MGAT5B: variants seen among roughly 807,000 people sequenced by gnomAD.
MGAT5B encodes N-acetylglucosaminyl-transferase Vb.
Under a neutral mutation model 95.1 loss-of-function variants are expected in MGAT5B, and 54 were observed. The observed-to-expected ratio is 0.57, with a 90% confidence interval of 0.46 to 0.71. MGAT5B has a LOEUF of 0.71. Among genes scored for constraint, MGAT5B ranks in the 30% least tolerant of loss-of-function variants. MGAT5B has a pLI of 0.00. For synonymous variants in MGAT5B, 464 were observed against 451.0 expected (o/e 1.03, Z -0.36); for missense variants, 935 against 1,088.6 (o/e 0.86, Z 1.99).
intron 12 of MGAT5B, among the ~76,000 whole-genome samples, chr17:76,934,913 C>T (rs900852671): frequency 9.2e-5 from 14 of 151,998 alleles, no homozygotes; most frequent in East Asian, 5.8e-4. Flanking sequence ...ATCAGGTGGC[C>T]GAGAAGCAGA....
intron 2 of MGAT5B, among the ~76,000 whole-genome samples, chr17:76,874,252 G>A (rs958054302): frequency 1.3e-5 from 2 of 152,158 alleles, no homozygotes; most frequent in Admixed American, 6.5e-5. Flanking sequence ...AAGGGAAGGG[G>A]CCTCAGCAGC....
intron 1 of MGAT5B, among the ~76,000 whole-genome samples, chr17:76,871,156 G>A (rs1274896158): frequency 6.6e-6 from 1 of 152,178 alleles, no homozygotes; most frequent in East Asian, 1.9e-4. Flanking sequence ...AGTGGGGGAA[G>A]TCCGTCCTTG....
At chr17:76,877,329 TAAAA>T (rs34612127) in intron 2 of MGAT5B, among the ~76,000 whole-genome samples, 2 of 111,224 alleles carry the variant, frequency 1.8e-5, no homozygotes, top group African/African-American at 3.5e-5. Context: ...TGTCTCGGCT[TAAAA>T]AAAAAAAAAA....
rs1968903565 is a variant in MGAT5B at position 76,915,643 on chromosome 17, G to A, written c.1026-9323G>A. Among the ~76,000 whole-genome samples the A allele has an allele frequency of 6.6e-6, 1 of 152,150 alleles. No homozygotes were observed. The highest frequency in any genetic ancestry group is 6.5e-5 in the Admixed American group (1 of 15,274). On this transcript the variant is annotated intron_variant, in intron 8 of 17. Transcript: ENST00000569840. This position sits in a 1 kb window ranked among gnomAD's most constrained non-coding sequence, Gnocchi z 8.7. Reference sequence around the variant, plus strand: ...GCTTGGAATATTTTGTAACTTATAAGCACACAGATTAGGAAAAGGTGGGGA... The same window carrying A: ...GCTTGGAATATTTTGTAACTTATAAACACACAGATTAGGAAAAGGTGGGGA...
At position 76,948,018 on chromosome 17, in the gene MGAT5B, C is replaced by T. The variant is rs748748577; in HGVS notation, c.2112C>T (p.Cys704=). Residue 704 remains cysteine (C), a synonymous_variant, in exon 17 of 18, where the codon TGC becomes TGT. Transcript: ENST00000569840. ...AVPGRACTDT[C]LDHGLICEPS... ...CTGGGAGGGCCTGCACCGACACCTG[C>T]CTGGACCACGGGCTAATCTGTGAGC... The T allele has an allele frequency of 5.1e-5, 82 of 1,613,224 alleles. 3 individuals carry two copies. In the South Asian group the frequency reaches 8.8e-4, roughly 17 times the overall value.
chr17:76,872,716 C>G (rs754426766), intron 1 of MGAT5B, 135 bp from the exon 2 acceptor site: 2 of 1,557,508 alleles, frequency 1.3e-6, no homozygotes, highest in Non-Finnish European at 1.7e-6. Context: ...GAGCTCAGCC[C>G]CCATCCTTTC....
chr17:76,874,978 G>A (rs1033386771), intron 2 of MGAT5B, among the ~76,000 whole-genome samples: 3 of 152,116 alleles, frequency 2.0e-5, no homozygotes, highest in African/African-American at 7.2e-5. Context: ...CGTGTACGTG[G>A]TCTTAAACTT....
At chr17:76,899,088 G>A (rs1968206230) in intron 3 of MGAT5B, among the ~76,000 whole-genome samples, 1 of 152,248 alleles carries the variant, frequency 6.6e-6, no homozygotes, top group Non-Finnish European at 1.5e-5. Context: ...CCTCGCTCCA[G>A]GGAGAGGTGC....
intron 2 of MGAT5B, among the ~76,000 whole-genome samples, chr17:76,877,124 G>A (rs1458577605): frequency 2.6e-5 from 4 of 151,990 alleles, no homozygotes; most frequent in African/African-American, 4.8e-5. Context: ...TCAGGAGTTC[G>A]AGACCAGCCT....
intron 12 of MGAT5B, among the ~76,000 whole-genome samples, chr17:76,937,077 C>G (rs910673909): frequency 1.3e-5 from 2 of 151,082 alleles, no homozygotes; most frequent in African/African-American, 4.9e-5. Flanking sequence ...AAGGATGACT[C>G]TATTTTACTC....
At position 76,903,518 on chromosome 17, in the gene MGAT5B, A is replaced by G. The variant is rs1219896358; in HGVS notation, c.519+142A>G. The G allele has an allele frequency of 7.6e-6, 4 of 529,134 alleles. No homozygotes were observed. The East Asian group carries it at 1.0e-4, about 13-fold the overall frequency. 32.8% of individuals were successfully genotyped at this position (529,134 alleles called of 1,614,324 possible). ...CTCAGTGCATCCACCCCACCCATCA[A>G]TCCAAATCCCCCAGAAAGAGTCTCC... On this transcript the variant is annotated intron_variant, in intron 5 of 17. Transcript: ENST00000569840.
At chr17:76,927,918 G>A (rs1567818492) in intron 10 of MGAT5B, among the ~76,000 whole-genome samples, 2 of 152,240 alleles carry the variant, frequency 1.3e-5, no homozygotes, top group South Asian at 2.1e-4. Flanking sequence ...GAGTCCTGAC[G>A]GACTTGCTTG....
rs568139970 is a variant in MGAT5B at position 76,913,335 on chromosome 17, C to G, written c.1025+7148C>G. Among the ~76,000 whole-genome samples the G allele has an allele frequency of 1.1e-3, 168 of 152,338 alleles. 2 individuals are homozygous for G. Among genetic ancestry groups the G allele is most frequent in the African/African-American group, 3.8e-3 (158 of 41,582 alleles). ...CTGGATATGACTGGCACAGACTGAT[C>G]TGAACCAATGCAAACTGGGCCCAGC... On this transcript the variant is annotated intron_variant, in intron 8 of 17. Coordinates refer to ENST00000569840, the MANE Select transcript of MGAT5B (RefSeq NM_001199172.2).
rs1213294020 is a variant in MGAT5B at position 76,912,895 on chromosome 17, C to T, written c.1025+6708C>T. 1.3e-5 allele frequency among the ~76,000 whole-genome samples: 2 copies of T among 152,134 alleles called. No individual in the cohort carries two copies. The highest frequency in any genetic ancestry group is 1.9e-4 in the East Asian group (1 of 5,182). Reference sequence around the variant, plus strand: ...CGTGCATGTGCAGGTCCAGGGTGGGCGTTTTAAAGTTAAGCCTTTCCCTTC... The same window carrying T: ...CGTGCATGTGCAGGTCCAGGGTGGGTGTTTTAAAGTTAAGCCTTTCCCTTC... On this transcript the variant is annotated intron_variant, in intron 8 of 17. Coordinates refer to ENST00000569840, the MANE Select transcript of MGAT5B (RefSeq NM_001199172.2). The surrounding 1 kb of genome is among the most constrained non-coding windows in gnomAD (Gnocchi z 5.0).
At position 76,949,193 on chromosome 17, in the gene MGAT5B, A is replaced by G; in HGVS notation, c.*355A>G. ...CTGGGCCAGGTGGCGAAAGGGGCCC[A>G]GTCGTTCTTGGGCCCAGGATGGGGC... is the stretch of plus-strand genomic sequence containing the variant. On this transcript the variant is annotated 3_prime_UTR_variant, in exon 18 of 18. Transcript: ENST00000569840. 1 of 270,964 alleles carries G rather than the reference A, an allele frequency of 3.7e-6. No individual in the cohort carries two copies. The highest frequency in any genetic ancestry group is 7.1e-6 in the Non-Finnish European group (1 of 141,752). 16.8% of individuals were successfully genotyped at this position (270,964 alleles called of 1,614,324 possible). A position where few individuals can be genotyped will look rare whatever the true frequency, so the allele number is the denominator to read the frequency against.
At chr17:76,943,623 T>TTGGG (rs1555601403) in intron 15 of MGAT5B, among the ~76,000 whole-genome samples, 4 of 75,528 alleles carry the variant, frequency 5.3e-5, no homozygotes, top group African/African-American at 1.3e-4. Flanking sequence ...TGGGGTGGGG[T>TTGGG]GGGGGGGGGG....
At chr17:76,903,457 C>G in intron 5 of MGAT5B, 81 bp downstream of exon 5, 2 of 1,141,792 alleles carry the variant, frequency 1.8e-6, no homozygotes, top group Non-Finnish European at 2.5e-6. Context: ...CAGGCACAAG[C>G]TGGCAGAGGC....
intron 3 of MGAT5B, among the ~76,000 whole-genome samples, chr17:76,883,488 G>C (rs1019158103): frequency 1.6e-4 from 25 of 152,138 alleles, no homozygotes; most frequent in African/African-American, 5.8e-4. Flanking sequence ...GGACACATGA[G>C]GTGTGACATC....
rs1966889157 is a variant in MGAT5B at position 76,868,788 on chromosome 17, CG to C, written c.-238del. The stretch of plus-strand genomic sequence containing the variant: ...GCCTCCCGGTCCCCAAAATGTGAAG[CG>C]GGGAGGGCGGAGACGCAGAGACGGC... On this transcript the variant is annotated 5_prime_UTR_variant, in exon 1 of 18. Transcript: ENST00000569840. The surrounding 1 kb of genome is among the most constrained non-coding windows in gnomAD (Gnocchi z 6.3). The C allele has an allele frequency of 3.7e-6, 1 of 273,632 alleles. No individual in the cohort carries two copies. Among genetic ancestry groups the C allele is most frequent in the Non-Finnish European group, 6.8e-6 (1 of 147,408 alleles). 17.0% of individuals were successfully genotyped at this position (273,632 alleles called of 1,614,324 possible).
Sources: gnomAD v4.1 joint callset for allele counts (sites outside exome capture counted in the v4.1 genomes callset) on GRCh38, gnomAD v4.1.1 for gene constraint, Gnocchi (gnomAD v3.1) non-coding constraint, MANE v1.5 for transcripts, NCBI Gene and HGNC (gene_info 2026-07-23, HGNC 2026-07-21) for gene names.